GAL3ST1: variants seen among roughly 807,000 people sequenced by gnomAD.
GAL3ST1 encodes galactose-3-O-sulfotransferase 1, also known as galactosylceramide sulfotransferase.
Under a neutral mutation model 25.0 loss-of-function variants are expected in GAL3ST1, and 13 were observed. The ratio of observed to expected loss-of-function variants is 0.52; its 90% confidence interval spans 0.34 to 0.83. The LOEUF (loss-of-function observed/expected upper bound fraction) is 0.83, where lower values mean the gene tolerates loss of function less well. GAL3ST1 is among the 40% of genes least tolerant of loss of function. The probability of loss-of-function intolerance (pLI) is 0.02; values close to 1 mark genes in which losing one functional copy is unlikely to be tolerated. For missense variants in GAL3ST1, 474 were observed against 613.6 expected, an observed-to-expected ratio of 0.77 and a Z score of 2.40; for synonymous variants, 274 against 277.8, an observed-to-expected ratio of 0.99 and a Z score of 0.14.
At chr22:30,573,564 T>C (rs143139111) in intron 1 of GAL3ST1, among the ~76,000 whole-genome samples, 3 of 152,236 alleles carry the variant, frequency 2.0e-5, no homozygotes, top group East Asian at 1.9e-4. Flanking sequence ...AAGGAAGAGA[T>C]TGGGTTTTCC....
In GAL3ST1 at chr22:30,554,943, C is replaced by T. The variant is rs529416934; in HGVS notation, c.*10G>A. 2.6e-6 allele frequency: 4 copies of T among 1,546,462 alleles called. No homozygotes were observed. The South Asian group carries it at 4.9e-5, about 19-fold the overall frequency. ...GCGAGCAGGCAGGCAAGCCGCTGGG[C>T]GGTGGGACGTCACCACCGCAGGAAA... On this transcript the variant is annotated 3_prime_UTR_variant, in exon 4 of 4. Transcript: ENST00000406361.
In GAL3ST1 at chr22:30,555,895, G is replaced by A. The variant is rs112070427; in HGVS notation, c.330C>T (p.Asn110=). 2,939 of 1,614,186 alleles carry A rather than the reference G, an allele frequency of 1.8e-3. 59 individuals carry two copies. The African/African-American group carries it at 0.035, about 19-fold the overall frequency. ...TCGGGTAGTCGAAGTCATTGCGGCCGTTAGGGAAGGCGAACTTGAGCCGGT... is the reference window on the plus strand; with the variant it reads ...TCGGGTAGTCGAAGTCATTGCGGCCATTAGGGAAGGCGAACTTGAGCCGGT... ...QKHRLKFAFP[N]GRNDFDYPTF... Residue 110 remains asparagine (N), a synonymous_variant, in exon 4 of 4, where the codon AAC becomes AAT. Transcript: ENST00000406361. This position sits in a 1 kb window ranked among gnomAD's most constrained non-coding sequence, Gnocchi z 8.6.
chr22:30,557,285 C>G lies in GAL3ST1; in HGVS notation c.108G>C (p.Pro36=), dbSNP rs770980558. Residue 36 remains proline (P), a synonymous_variant, in exon 3 of 4, where the codon CCG becomes CCC. Coordinates refer to ENST00000406361, the MANE Select transcript of GAL3ST1 (RefSeq NM_001318104.2). The stretch of plus-strand genomic sequence containing the variant: ...ACGTGGAGGCCAGGCCGGCATGCAG[C>G]GGGGGCACGGCATAGGAGTACACCA... ...LLLVYSYAVP[P]LHAGLASTTP... The G allele has an allele frequency of 6.2e-7, 1 of 1,614,012 alleles. No individual in the cohort carries two copies. The highest frequency in any genetic ancestry group is 1.3e-5 in the African/African-American group (1 of 74,924).
intron 1 of GAL3ST1, among the ~76,000 whole-genome samples, chr22:30,566,437 A>C (rs1456687501): frequency 6.6e-6 from 1 of 152,170 alleles, no homozygotes; most frequent in African/African-American, 2.4e-5. Context: ...GAGGAGTGAG[A>C]ACTTCATCTA....
chr22:30,573,803 G>A (rs1013079938), intron 1 of GAL3ST1, among the ~76,000 whole-genome samples: 1 of 152,172 alleles, frequency 6.6e-6, no homozygotes, highest in Non-Finnish European at 1.5e-5. Context: ...GCTCTGTGCT[G>A]GTACCAAAAT....
Position 30,555,167 on chromosome 22 carries a change from T to C in GAL3ST1, c.1058A>G (p.Asp353Gly), listed in dbSNP as rs747366215. The change falls in exon 4 of 4, where the codon GAC becomes GGC. Residue 353 changes from aspartate to glycine, a missense_variant. Around this residue, in one of 2 missense-constraint regions of GAL3ST1, gnomAD observed 359 missense variants for 504.4 expected, o/e 0.71. Transcript: ENST00000406361. This position sits in a 1 kb window ranked among gnomAD's most constrained non-coding sequence, Gnocchi z 8.6. ...TICIDGGHAV[D>G]AAAIQDEAMQ... The stretch of plus-strand genomic sequence containing the variant: ...GGCCTCGTCCTGGATGGCGGCGGCG[T>C]CCACGGCGTGGCCCCCGTCGATGCA... 6.2e-7 allele frequency: 1 copy of C among 1,603,690 alleles called. No individual in the cohort carries two copies.
intron 3 of GAL3ST1, among the ~76,000 whole-genome samples, chr22:30,556,638 C>A (rs561587699): frequency 6.6e-6 from 1 of 152,160 alleles, no homozygotes; most frequent in Admixed American, 6.5e-5. Flanking sequence ...ACCAGGGCCC[C>A]GTTGGCATCT....
intron 1 of GAL3ST1, chr22:30,566,201 A>C (rs2086617183): frequency 6.6e-6 from 1 of 152,242 alleles, no homozygotes; most frequent in Non-Finnish European, 1.5e-5. Context: ...GAGTTGTTTT[A>C]TCCAGCCTAA....
intron 1 of GAL3ST1, chr22:30,560,805 A>T (rs2086363189): frequency 2.0e-5 from 3 of 152,188 alleles, no homozygotes; most frequent in Admixed American, 1.3e-4. Context: ...GCCCAGCAGC[A>T]GGGGGCAGAC....
chr22:30,557,409 G>A lies in GAL3ST1; in HGVS notation c.-9-8C>T. On this transcript the variant is annotated splice_polypyrimidine_tract_variant and splice_region_variant and intron_variant, in intron 2 of 3. Transcript: ENST00000406361. ...TGGCAGCATCTCAGACACCTGCAGG[G>A]GCAGCACAGAGTAGGGCAAGTGTCA... The A allele has an allele frequency of 2.5e-6, 4 of 1,614,046 alleles. No homozygotes were observed. The highest frequency in any genetic ancestry group is 3.4e-6 in the Non-Finnish European group (4 of 1,179,990).
In GAL3ST1 at chr22:30,567,139, A is replaced by G. The variant is rs557788005; in HGVS notation, c.-120+7327T>C. On this transcript the variant is annotated intron_variant, in intron 1 of 3. Transcript: ENST00000406361. The stretch of plus-strand genomic sequence containing the variant: ...GCCCAGCAAAAACTTTTTCAATGAT[A>G]AAAGCAGTATACTGAAAAAAAAATT... Among the ~76,000 whole-genome samples the G allele has an allele frequency of 1.2e-3, 188 of 152,148 alleles. 1 individual carries two copies. Among genetic ancestry groups the G allele is most frequent in the African/African-American group, 4.1e-3 (170 of 41,502 alleles).
chr22:30,572,063 G>C (rs764303102), intron 1 of GAL3ST1, among the ~76,000 whole-genome samples: 23 of 152,132 alleles, frequency 1.5e-4, no homozygotes, highest in Non-Finnish European at 3.1e-4. Flanking sequence ...GCTTCCTGAG[G>C]GGGGGATTTG....
At chr22:30,564,406 G>A (rs2086557108) in intron 1 of GAL3ST1, among the ~76,000 whole-genome samples, 1 of 152,200 alleles carries the variant, frequency 6.6e-6, no homozygotes, top group South Asian at 2.1e-4. Flanking sequence ...CTCAGACTCA[G>A]AGAGGGCAAG....
intron 1 of GAL3ST1, among the ~76,000 whole-genome samples, chr22:30,570,568 G>A (rs762652613): frequency 2.0e-5 from 3 of 152,182 alleles, no homozygotes; most frequent in Non-Finnish European, 2.9e-5. Context: ...AGGCCAAGGC[G>A]GGTGGATCAC....
At chr22:30,568,283 CT>C (rs1204854920) in intron 1 of GAL3ST1, among the ~76,000 whole-genome samples, 1 of 152,206 alleles carries the variant, frequency 6.6e-6, no homozygotes, top group Admixed American at 6.5e-5. Context: ...AGACAGTCCC[CT>C]TTTTTCCACG....
chr22:30,557,340 A>G lies in GAL3ST1; in HGVS notation c.53T>C (p.Leu18Pro), dbSNP rs150130261. Residue 18 changes from leucine (L) to proline (P), a missense_variant, in exon 3 of 4, where the codon CTG becomes CCG. By Grantham distance (98) the Leu-to-Pro change is moderately conservative. Around this residue, in one of 2 missense-constraint regions of GAL3ST1, gnomAD observed 115 missense variants for 109.2 expected, o/e 1.05. Transcript: ENST00000406361. ...PWESMAKGLV[L>P]GALFTSFLLL... ...CAGGAAACTAGTGAAGAGCGCGCCC[A>G]GCACCAGCCCCTTAGCCATGGACTC... is the stretch of plus-strand genomic sequence containing the variant. 1.9e-6 allele frequency: 3 copies of G among 1,614,096 alleles called. No individual in the cohort carries two copies. Among genetic ancestry groups the G allele is most frequent in the South Asian group, 1.1e-5 (1 of 91,092 alleles).
At chr22:30,573,067 A>C (rs2146444870) in intron 1 of GAL3ST1, among the ~76,000 whole-genome samples, 1 of 152,294 alleles carries the variant, frequency 6.6e-6, no homozygotes, top group Non-Finnish European at 1.5e-5. Flanking sequence ...GCTCTGCCTG[A>C]GCAAGCAGGG....
At chr22:30,569,559 T>C (rs1406786925) in intron 1 of GAL3ST1, among the ~76,000 whole-genome samples, 1 of 148,054 alleles carries the variant, frequency 6.8e-6, no homozygotes, top group Non-Finnish European at 1.5e-5. Flanking sequence ...GATCATAGAA[T>C]GCCTGAAGAG....
At chr22:30,557,140 C>A in intron 3 of GAL3ST1, 122 bp downstream of exon 3, 1 of 921,886 alleles carries the variant, frequency 1.1e-6, no homozygotes, top group East Asian at 2.6e-5. Context: ...CAGCATGGTG[C>A]AGGGTGCAGG....
Sources: gnomAD v4.1 joint callset for allele counts (sites outside exome capture counted in the v4.1 genomes callset) on GRCh38, gnomAD v4.1.1 for gene constraint, gnomAD v4.1.1 regional missense constraint, Gnocchi (gnomAD v3.1) non-coding constraint, MANE v1.5 for transcripts, NCBI Gene and HGNC (gene_info 2026-07-23, HGNC 2026-07-21) for gene names.